Variants in IKZF1 observed in about 807,000 individuals in gnomAD.
IKZF1 encodes the protein DNA-binding protein Ikaros.
IKZF1 carries 10 observed loss-of-function variants against 51.7 expected under a neutral mutation model. The ratio of observed to expected loss-of-function variants is 0.19; its 90% CI spans 0.12 to 0.33. IKZF1 has a LOEUF of 0.33. Among genes scored for constraint, IKZF1 ranks in the 10% least tolerant of loss-of-function variants. The probability of loss-of-function intolerance (pLI) is 1.00; values close to 1 mark genes in which losing one functional copy is unlikely to be tolerated. For synonymous variants in IKZF1, 280 were observed against 282.3 expected (o/e 0.99, Z 0.08); for missense variants, 484 against 707.5 (o/e 0.68, Z 3.58).
At chr7:50,329,227 C>T (rs937979150) in intron 3 of IKZF1, among the ~76,000 whole-genome samples, 4 of 151,526 alleles carry the variant, frequency 2.6e-5, no homozygotes, top group African/African-American at 4.9e-5. Flanking sequence ...TGGCTAAAGC[C>T]ATTTGGTGTA....
At chr7:50,323,438 A>G (rs1401873222) in intron 2 of IKZF1, among the ~76,000 whole-genome samples, 1 of 152,200 alleles carries the variant, frequency 6.6e-6, no homozygotes, top group Non-Finnish European at 1.5e-5. Flanking sequence ...GAGAGGCGGG[A>G]TGACAGAACT....
At chr7:50,317,351 C>T (rs985844715) in intron 1 of IKZF1, among the ~76,000 whole-genome samples, 3 of 152,188 alleles carry the variant, frequency 2.0e-5, no homozygotes, top group South Asian at 2.1e-4. Flanking sequence ...TAGTGTGGCA[C>T]GGCTGTTACA....
intron 3 of IKZF1, among the ~76,000 whole-genome samples, chr7:50,359,808 T>G (rs1393430526): frequency 6.6e-6 from 1 of 152,158 alleles, no homozygotes; most frequent in African/African-American, 2.4e-5. Flanking sequence ...ACTCTGATCT[T>G]TACCATCACC....
At chr7:50,382,483 G>A (rs1359410713) in intron 4 of IKZF1, 57 bp from the exon 5 acceptor site, 8 of 1,548,134 alleles carry the variant, frequency 5.2e-6, no homozygotes, top group East Asian at 2.3e-5. Flanking sequence ...TCGTAGCATC[G>A]TCCTCATGTC....
chr7:50,389,353 T>A (rs188052629), intron 6 of IKZF1, among the ~76,000 whole-genome samples: 160 of 152,244 alleles, frequency 1.1e-3, no homozygotes, highest in African/African-American at 3.7e-3. Context: ...TTGGTCTCTA[T>A]GTCAGTAAGG....
intron 3 of IKZF1, chr7:50,368,242 G>T: frequency 2.8e-6 from 2 of 703,222 alleles, no homozygotes; most frequent in Non-Finnish European, 5.2e-6. Context: ...GCAAAACGAA[G>T]GTCTAGGCAG....
chr7:50,403,258 G>A lies in IKZF1; in HGVS notation c.*2631G>A, dbSNP rs1364911605. 9.0e-6 allele frequency: 2 copies of A among 221,070 alleles called. No homozygotes were observed. Among genetic ancestry groups the A allele is most frequent in the Non-Finnish European group, 1.8e-5 (2 of 110,472 alleles). 13.7% of individuals were successfully genotyped at this position (221,070 alleles called of 1,614,324 possible). ...GTAATTAACTTATGTTTAAAAGGTGGCCATATCATGTACCAAAAGTTGCTG... is the reference window on the plus strand; with the variant it reads ...GTAATTAACTTATGTTTAAAAGGTGACCATATCATGTACCAAAAGTTGCTG... On this transcript the variant is annotated 3_prime_UTR_variant, in exon 8 of 8. Coordinates refer to ENST00000331340, the MANE Select transcript of IKZF1 (RefSeq NM_006060.6).
chr7:50,376,655 T>C lies in IKZF1; in HGVS notation c.283T>C (p.Ser95Pro). ...LDASGEKMNG[S>P]HRDQGSSALS... ...TGCCTCGGGAGAGAAAATGAATGGCTCCCACAGGGACCAAGGCAGCTCGGC... is the reference window on the plus strand; with the variant it reads ...TGCCTCGGGAGAGAAAATGAATGGCCCCCACAGGGACCAAGGCAGCTCGGC... Residue 95 changes from serine (S) to proline (P), a missense_variant, in exon 4 of 8, where the codon TCC (serine) becomes CCC (proline). By Grantham distance (74) the Ser-to-Pro change is moderately conservative (BLOSUM62 -1). Coordinates refer to ENST00000331340, the MANE Select transcript of IKZF1 (RefSeq NM_006060.6). The surrounding 1 kb of genome is among the most constrained non-coding windows in gnomAD (Gnocchi z 4.5). 6.2e-7 allele frequency: 1 copy of C among 1,613,812 alleles called. No homozygotes were observed. Among genetic ancestry groups the C allele is most frequent in the African/African-American group, 1.3e-5 (1 of 74,990 alleles).
At chr7:50,371,910 T>C (rs1808796605) in intron 3 of IKZF1, among the ~76,000 whole-genome samples, 1 of 152,212 alleles carries the variant, frequency 6.6e-6, no homozygotes, top group African/African-American at 2.4e-5. Context: ...ACATCTCTGA[T>C]TGAGCATACC....
rs773240418 is a variant in IKZF1 at position 50,400,616 on chromosome 7, C to T, written c.1549C>T (p.His517Tyr). 1.2e-6 allele frequency: 2 copies of T among 1,609,760 alleles called. No individual in the cohort carries two copies. Among genetic ancestry groups the T allele is most frequent in the Non-Finnish European group, 1.7e-6 (2 of 1,179,784 alleles). The change falls in exon 8 of 8, where the codon CAC becomes TAC. Residue 517 changes from histidine to tyrosine, a missense_variant. By Grantham distance (83) the His-to-Tyr change is moderately conservative (BLOSUM62 2). This residue lies in a region of IKZF1 where 42 missense variants were observed against 84.4 expected (regional missense o/e 0.50). Transcript: ENST00000331340. This position sits in a 1 kb window ranked among gnomAD's most constrained non-coding sequence, Gnocchi z 5.4. ...CATAACGCGAGGGGAGCACCGCTTCCACATGAGCTAAAGCCCTCCCGCGCC... is the reference window on the plus strand; with the variant it reads ...CATAACGCGAGGGGAGCACCGCTTCTACATGAGCTAAAGCCCTCCCGCGCC... ...SHITRGEHRF[H>Y]MS
Position 50,402,070 on chromosome 7 carries a change from A to G in IKZF1, c.*1443A>G, listed in dbSNP as rs1454524026. The G allele has an allele frequency of 4.3e-6, 1 of 230,664 alleles. No individual in the cohort carries two copies. The highest frequency in any genetic ancestry group is 8.6e-6 in the Non-Finnish European group (1 of 116,412). The allele number at this position is 230,664 out of a possible 1,614,324, so 14.3% of individuals were successfully genotyped here. Reference sequence around the variant, plus strand: ...GAGAACCCCGCCCATCCGTGCTATGACATGGAGGCACTGAAGCCCGAGGAA... The same window carrying G: ...GAGAACCCCGCCCATCCGTGCTATGGCATGGAGGCACTGAAGCCCGAGGAA... On this transcript the variant is annotated 3_prime_UTR_variant, in exon 8 of 8. Coordinates refer to ENST00000331340, the MANE Select transcript of IKZF1 (RefSeq NM_006060.6).
At chr7:50,355,750 C>T (rs780660554) in intron 3 of IKZF1, among the ~76,000 whole-genome samples, 4 of 152,142 alleles carry the variant, frequency 2.6e-5, no homozygotes, top group Non-Finnish European at 5.9e-5. Context: ...TGGGGCTAGC[C>T]AGTGTTTCTC....
intron 5 of IKZF1, 136 bp downstream of exon 5, chr7:50,382,843 G>A: frequency 8.8e-7 from 1 of 1,138,884 alleles, no homozygotes; most frequent in South Asian, 1.6e-5. Context: ...TCGGGTGTGA[G>A]CTGTTGCTTC....
chr7:50,401,204 G>T lies in IKZF1; in HGVS notation c.*577G>T, dbSNP rs972170698. 12 of 234,476 alleles carry T rather than the reference G, an allele frequency of 5.1e-5. No homozygotes were observed. The highest frequency in any genetic ancestry group is 9.2e-5 in the Non-Finnish European group (11 of 119,238). The allele number at this position is 234,476 out of a possible 1,614,324, so 14.5% of individuals were successfully genotyped here. ...CATCTAGGGCGGAGAGGCTGCACTT[G>T]TGAGAGAAAATACTATTTCAAGTCA... On this transcript the variant is annotated 3_prime_UTR_variant, in exon 8 of 8. Transcript: ENST00000331340.
At chr7:50,385,467 A>G (rs1813097079) in intron 5 of IKZF1, among the ~76,000 whole-genome samples, 2 of 152,214 alleles carry the variant, frequency 1.3e-5, no homozygotes, top group South Asian at 4.1e-4. Context: ...GCTGACAGCA[A>G]GAGGGTGCTG....
intron 3 of IKZF1, among the ~76,000 whole-genome samples, chr7:50,365,187 A>C (rs973583326): frequency 6.6e-6 from 1 of 152,242 alleles, no homozygotes; most frequent in African/African-American, 2.4e-5. Flanking sequence ...GGCATGGAAC[A>C]GAGTGAGTTT....
At position 50,376,704 on chromosome 7, in the gene IKZF1, G is replaced by A. The variant is rs2153469825; in HGVS notation, c.332G>A (p.Arg111Gln). The A allele has an allele frequency of 1.9e-6, 3 of 1,613,910 alleles. No homozygotes were observed. Among genetic ancestry groups the A allele is most frequent in the South Asian group, 1.1e-5 (1 of 91,064 alleles). The part of the protein sequence containing the change: ...SSALSGVGGI[R>Q]LPNGKLKCDI... ...GCTTTGTCGGGAGTTGGAGGCATTC[G>A]ACTTCCTAACGGAAAACTAAAGTGT... is the stretch of plus-strand genomic sequence containing the variant. Residue 111 changes from arginine (R) to glutamine (Q), a missense_variant, in exon 4 of 8, where the codon CGA becomes CAA. Arg to Gln is a conservative substitution (Grantham distance 43). This residue lies in a region of IKZF1 where 53 missense variants were observed against 167.7 expected (regional missense o/e 0.32). Transcript: ENST00000331340. The surrounding 1 kb of genome is among the most constrained non-coding windows in gnomAD (Gnocchi z 4.5).
In IKZF1 at chr7:50,387,648, C is replaced by T. The variant is rs141247920; in HGVS notation, c.715+178C>T. Reference sequence around the variant, plus strand: ...TTTCACCAGAAGCACGTTGTGCTTCCCAGCTTTCTAGGTCCTCATCTGACC... The same window carrying T: ...TTTCACCAGAAGCACGTTGTGCTTCTCAGCTTTCTAGGTCCTCATCTGACC... On this transcript the variant is annotated intron_variant, in intron 6 of 7. Transcript: ENST00000331340. 0.013 allele frequency among the ~76,000 whole-genome samples: 2,025 copies of T among 152,200 alleles called. 41 individuals are homozygous for T. Among genetic ancestry groups the T allele is most frequent in the Non-Finnish European group, 0.015 (1,004 of 67,988 alleles).
At chr7:50,398,057 T>C (rs538579325) in intron 7 of IKZF1, among the ~76,000 whole-genome samples, 1 of 152,364 alleles carries the variant, frequency 6.6e-6, no homozygotes, top group East Asian at 1.9e-4. Flanking sequence ...TATTAGTAAA[T>C]GTATGAATTA....
Sources: gnomAD v4.1 joint callset for allele counts (sites outside exome capture counted in the v4.1 genomes callset) on GRCh38, gnomAD v4.1.1 for gene constraint, gnomAD v4.1.1 regional missense constraint, Gnocchi (gnomAD v3.1) non-coding constraint, MANE v1.5 for transcripts, NCBI Gene and HGNC (gene_info 2026-07-23, HGNC 2026-07-21) for gene names.